The following GALNT13 variants were observed in gnomAD, a reference collection of about 807,000 sequenced individuals.
GALNT13 encodes the protein polypeptide N-acetylgalactosaminyltransferase 13, also known as UDP-GalNAc:polypeptide N-acetylgalactosaminyltransferase 13.
A neutral mutation model predicts 64.2 loss-of-function variants in GALNT13; 28 were observed. The observed-to-expected ratio is 0.44, with a 90% CI of 0.32 to 0.60. The LOEUF (loss-of-function observed/expected upper bound fraction) is 0.60. GALNT13 is among the 20% of genes least tolerant of loss of function. GALNT13 has a pLI of 0.05. For missense variants in GALNT13, 577 were observed against 669.8 expected, an observed-to-expected ratio of 0.86 and a Z score of 1.53; for synonymous variants, 214 against 224.6, an observed-to-expected ratio of 0.95 and a Z score of 0.42.
chr2:153,829,164 C>T, the GALNT13 span, among the ~76,000 whole-genome samples: 1 of 152,132 alleles, frequency 6.6e-6, no homozygotes, highest in African/African-American at 2.4e-5. Context: ...GCCCTCTAAA[C>T]TGTTCCAACC....
At chr2:153,215,379 A>G in the GALNT13 span, among the ~76,000 whole-genome samples, 426 of 152,270 alleles carry the variant, frequency 2.8e-3, 1 homozygote, top group African/African-American at 9.1e-3. Context: ...TTTACACATT[A>G]GCATTTTTAT....
chr2:153,829,910 G>A, the GALNT13 span, among the ~76,000 whole-genome samples: 1 of 152,062 alleles, frequency 6.6e-6, no homozygotes, highest in Non-Finnish European at 1.5e-5. Context: ...TTTACATTTT[G>A]TTTTGAGGGA....
At chr2:153,602,675 C>T in the GALNT13 span, among the ~76,000 whole-genome samples, 1 of 151,720 alleles carries the variant, frequency 6.6e-6, no homozygotes, top group Non-Finnish European at 1.5e-5. Flanking sequence ...AAAATGAGGA[C>T]AACCAGATTT....
the GALNT13 span, among the ~76,000 whole-genome samples, chr2:153,431,020 C>T: frequency 6.6e-6 from 1 of 151,680 alleles, no homozygotes; most frequent in Non-Finnish European, 1.5e-5. Context: ...CATGGTGGCA[C>T]ATGCCTGTAA....
chr2:154,358,490 ATATT>A (rs1442009531), intron 9 of GALNT13, among the ~76,000 whole-genome samples: 1 of 152,098 alleles, frequency 6.6e-6, no homozygotes, highest in Non-Finnish European at 1.5e-5. Flanking sequence ...AATTCCGTAT[ATATT>A]AAAGCACTAT....
chr2:153,771,538 C>G, the GALNT13 span, among the ~76,000 whole-genome samples: 2 of 151,562 alleles, frequency 1.3e-5, no homozygotes, highest in South Asian at 2.1e-4. Context: ...TGTGTAGTCT[C>G]CTAATCTAGG....
chr2:153,885,713 G>T (rs987284454), intron 1 of GALNT13, among the ~76,000 whole-genome samples: 1 of 152,062 alleles, frequency 6.6e-6, no homozygotes, highest in East Asian at 1.9e-4. Context: ...GGCCATTTCA[G>T]TGTTCACAGA....
intron 4 of GALNT13, among the ~76,000 whole-genome samples, chr2:154,237,518 T>TTATATATATATATATATA (rs10624007): frequency 9.5e-4 from 136 of 142,772 alleles, no homozygotes; most frequent in Non-Finnish European, 1.6e-3. Context: ...TCTGCCAGCT[T>TTATATATATATATATATA]TATATATATA....
chr2:153,615,822 A>T, the GALNT13 span, among the ~76,000 whole-genome samples: 1 of 152,016 alleles, frequency 6.6e-6, no homozygotes, highest in Non-Finnish European at 1.5e-5. Context: ...AGCTCCTTAT[A>T]TATTCTGGTT....
At chr2:153,581,625 A>G in the GALNT13 span, among the ~76,000 whole-genome samples, 3 of 152,062 alleles carry the variant, frequency 2.0e-5, no homozygotes, top group African/African-American at 7.2e-5. Context: ...TGTTATAAGG[A>G]AGTGTATGGA....
intron 7 of GALNT13, among the ~76,000 whole-genome samples, chr2:154,257,018 A>G (rs2105898101): frequency 6.6e-6 from 1 of 152,304 alleles, no homozygotes; most frequent in East Asian, 1.9e-4. Context: ...GGCTATAGGT[A>G]TTAAACATTA....
chr2:154,046,751 T>C (rs761205968), intron 3 of GALNT13, among the ~76,000 whole-genome samples: 6 of 152,048 alleles, frequency 3.9e-5, no homozygotes, highest in Non-Finnish European at 7.4e-5. Context: ...GAAAAGACAC[T>C]GTGGAGAAAA....
the GALNT13 span, among the ~76,000 whole-genome samples, chr2:153,533,907 T>A: frequency 6.6e-5 from 10 of 151,796 alleles, no homozygotes; most frequent in South Asian, 4.2e-4. Flanking sequence ...TGTCTTTTTT[T>A]ATTTCTTTTT....
At chr2:153,108,115 T>A in the GALNT13 span, among the ~76,000 whole-genome samples, 1 of 152,156 alleles carries the variant, frequency 6.6e-6, no homozygotes, top group Admixed American at 6.6e-5. Context: ...TGGCCTCAAG[T>A]GATCCACCTG....
the GALNT13 span, among the ~76,000 whole-genome samples, chr2:153,242,022 G>C: frequency 6.6e-6 from 1 of 152,006 alleles, no homozygotes. Context: ...TACTTGTCGT[G>C]GTTTCACCAT....
chr2:153,871,452 G>A (rs571979068), upstream of GALNT13, among the ~76,000 whole-genome samples: 61 of 152,338 alleles, frequency 4.0e-4, no homozygotes, highest in Non-Finnish European at 8.5e-4. Flanking sequence ...CTCGGCTGGA[G>A]AGCCGACGGC....
the GALNT13 span, among the ~76,000 whole-genome samples, chr2:153,853,720 T>A: frequency 1.3e-5 from 2 of 150,116 alleles, no homozygotes; most frequent in Middle Eastern, 3.5e-3. Context: ...TAATTATATA[T>A]TACAATTGTA....
the GALNT13 span, among the ~76,000 whole-genome samples, chr2:153,127,182 A>G: frequency 6.6e-6 from 1 of 152,172 alleles, no homozygotes; most frequent in Non-Finnish European, 1.5e-5. Flanking sequence ...GTAATGCAAT[A>G]CATTATAAAT....
the GALNT13 span, among the ~76,000 whole-genome samples, chr2:153,549,035 T>C: frequency 6.6e-6 from 1 of 152,178 alleles, no homozygotes; most frequent in Non-Finnish European, 1.5e-5. Context: ...TACGACTTAA[T>C]TTCTATAAAA....
Sources: gnomAD v4.1 joint callset for allele counts (sites outside exome capture counted in the v4.1 genomes callset) on GRCh38, gnomAD v4.1.1 for gene constraint, MANE v1.5 for transcripts, NCBI Gene and HGNC (gene_info 2026-07-23, HGNC 2026-07-21) for gene names.